Variants in CEP112 observed in about 807,000 individuals in gnomAD.
CEP112 encodes the protein centrosomal protein of 112 kDa.
Under a neutral mutation model 153.0 loss-of-function variants are expected in CEP112, and 127 were observed. That is an observed-to-expected ratio of 0.83 (90% CI 0.72 to 0.96). CEP112 has a LOEUF of 0.96. Ranked by LOEUF, CEP112 falls within the 40% of genes least tolerant of loss-of-function variation. CEP112 has a pLI of 0.00. For synonymous variants in CEP112, 358 were observed against 374.4 expected (o/e 0.96, Z 0.51); for missense variants, 1,089 against 1,101.2 (o/e 0.99, Z 0.16).
chr17:65,962,328 T>A (rs1431313712), intron 17 of CEP112, among the ~76,000 whole-genome samples: 1 of 152,150 alleles, frequency 6.6e-6, no homozygotes, highest in Non-Finnish European at 1.5e-5. Flanking sequence ...CAGAAGTTAA[T>A]CTGCAGTGAA....
rs761562429 is a variant in CEP112, at chr17:66,053,872, T to C, written c.1082A>G (p.Asn361Ser). The change falls in exon 12 of 27, where the codon AAT (asparagine) becomes AGT (serine). Residue 361 changes from asparagine (N) to serine (S), a missense_variant. Coordinates refer to ENST00000535342, the MANE Select transcript of CEP112 (RefSeq NM_001199165.4). ...LNNDWEKKLH[N>S]AVAEMEQEKF... ...TTCCTGTTCCATTTCTGCTACAGCA[T>C]TGTGAAGCTACATCAGGAAATCAAG... is the stretch of plus-strand genomic sequence containing the variant. 2 of 1,611,494 alleles carry C rather than the reference T, an allele frequency of 1.2e-6. No homozygotes were observed. Among genetic ancestry groups the C allele is most frequent in the Non-Finnish European group, 1.7e-6 (2 of 1,178,572 alleles).
chr17:65,787,668 C>T (rs1423739035), intron 21 of CEP112, among the ~76,000 whole-genome samples: 3 of 152,160 alleles, frequency 2.0e-5, no homozygotes, highest in Non-Finnish European at 2.9e-5. Flanking sequence ...AGGACTTATA[C>T]GGCTATTCTT....
intron 11 of CEP112, among the ~76,000 whole-genome samples, chr17:66,060,341 T>C (rs555122173): frequency 1.1e-4 from 16 of 152,266 alleles, no homozygotes; most frequent in African/African-American, 2.4e-4. Context: ...CAAAGCAATA[T>C]ACAGATTCAA....
At chr17:65,833,165 T>C (rs1258535462) in intron 21 of CEP112, among the ~76,000 whole-genome samples, 2 of 152,174 alleles carry the variant, frequency 1.3e-5, no homozygotes, top group African/African-American at 4.8e-5. Flanking sequence ...CACCCCTTCA[T>C]GTTAAAAACT....
chr17:65,659,618 T>A (rs2046245917), intron 24 of CEP112, among the ~76,000 whole-genome samples: 1 of 152,204 alleles, frequency 6.6e-6, no homozygotes, highest in African/African-American at 2.4e-5. Flanking sequence ...CTTAACACCA[T>A]TGTAAACACT....
At chr17:66,014,798 CCA>C (rs1171683207) in intron 16 of CEP112, among the ~76,000 whole-genome samples, 2 of 152,206 alleles carry the variant, frequency 1.3e-5, no homozygotes, top group African/African-American at 4.8e-5. Context: ...CTCCCTCTGT[CCA>C]CTCTCAGTAA....
intron 23 of CEP112, among the ~76,000 whole-genome samples, chr17:65,719,215 C>T (rs183574191): frequency 2.5e-4 from 38 of 152,294 alleles, no homozygotes; most frequent in Admixed American, 1.6e-3. Flanking sequence ...GGTGCAACAG[C>T]ACCCAGTCCG....
intron 4 of CEP112, among the ~76,000 whole-genome samples, chr17:66,149,888 G>T (rs28814114): frequency 0.53 from 28,887 of 54,974 alleles, 8,199 homozygotes; most frequent in East Asian, 0.68. Flanking sequence ...TTGTTTGTTT[G>T]TTTTTTTTTT....
intron 21 of CEP112, among the ~76,000 whole-genome samples, chr17:65,767,986 T>TA (rs1200712600): frequency 6.6e-6 from 1 of 151,914 alleles, no homozygotes; most frequent in Admixed American, 6.6e-5. Context: ...ACTTCCAAAA[T>TA]AAAAAAGAGC....
chr17:65,920,975 C>T (rs1174743901), intron 19 of CEP112, among the ~76,000 whole-genome samples: 1 of 152,074 alleles, frequency 6.6e-6, no homozygotes, highest in Non-Finnish European at 1.5e-5. Context: ...TTTAATCCTA[C>T]ATATTAACTA....
At chr17:65,905,265 AC>A (rs2060025765) in intron 19 of CEP112, among the ~76,000 whole-genome samples, 1 of 152,120 alleles carries the variant, frequency 6.6e-6, no homozygotes, top group African/African-American at 2.4e-5. Flanking sequence ...AAGAAAAAAA[AC>A]AACCCCATCA....
chr17:66,059,725 T>C (rs1446975917), intron 11 of CEP112, among the ~76,000 whole-genome samples: 2 of 152,208 alleles, frequency 1.3e-5, no homozygotes, highest in African/African-American at 2.4e-5. Context: ...TCAACCACTG[T>C]GGAATGCAGT....
intron 5 of CEP112, among the ~76,000 whole-genome samples, chr17:66,130,060 A>G (rs1198914466): frequency 6.6e-6 from 1 of 152,022 alleles, no homozygotes; most frequent in Non-Finnish European, 1.5e-5. Flanking sequence ...AGAACAAAAT[A>G]CATGTCATTC....
chr17:65,937,302 G>T (rs1355648688), intron 18 of CEP112, among the ~76,000 whole-genome samples: 1 of 107,232 alleles, frequency 9.3e-6, no homozygotes, highest in Admixed American at 1.1e-4. Flanking sequence ...GAGCATCTCT[G>T]CCCGGCCGCC....
intron 23 of CEP112, among the ~76,000 whole-genome samples, chr17:65,734,704 T>A (rs1361314499): frequency 1.3e-5 from 2 of 152,210 alleles, no homozygotes; most frequent in African/African-American, 4.8e-5. Flanking sequence ...GATGTTATTT[T>A]GATTGAAGAA....
intron 23 of CEP112, among the ~76,000 whole-genome samples, chr17:65,742,094 T>C (rs2051172479): frequency 6.6e-6 from 1 of 151,910 alleles, no homozygotes; most frequent in African/African-American, 2.4e-5. Context: ...TTATTCTATC[T>C]AGTGTTGTCT....
At chr17:65,699,805 C>T (rs232144) in intron 23 of CEP112, among the ~76,000 whole-genome samples, 1,828 of 152,196 alleles carry the variant, frequency 0.012, 28 homozygotes, top group African/African-American at 0.042. Context: ...TTTTGTTGGC[C>T]ACATTTCTCA....
chr17:66,146,140 G>A (rs2070908311), intron 4 of CEP112, among the ~76,000 whole-genome samples: 1 of 151,838 alleles, frequency 6.6e-6, no homozygotes, highest in Admixed American at 6.6e-5. Context: ...AATGACTTGG[G>A]AAGCATTCCC....
chr17:65,835,201 A>G (rs1465512768), intron 21 of CEP112, among the ~76,000 whole-genome samples: 2 of 151,742 alleles, frequency 1.3e-5, no homozygotes, highest in African/African-American at 4.8e-5. Context: ...AGTAAAAAAA[A>G]AAAAAAAAAG....
Sources: allele counts gnomAD v4.1 joint callset (sites outside exome capture counted in the v4.1 genomes callset), GRCh38; gene constraint gnomAD v4.1.1; transcripts MANE v1.5; gene names NCBI Gene and HGNC (gene_info 2026-07-23, HGNC 2026-07-21).